Variants in ADAM7 observed in about 807,000 individuals in gnomAD.
The protein encoded by ADAM7 is disintegrin and metalloproteinase domain-containing protein 7.
In ADAM7, 97 loss-of-function variants were observed where a neutral mutation model predicts 102.9. That is an observed-to-expected ratio of 0.94 (90% confidence interval 0.80 to 1.12). ADAM7 has a LOEUF of 1.12. Ranked by LOEUF, ADAM7 falls within the 50% of genes most tolerant of loss-of-function variation. The pLI is 0.00. For synonymous variants in ADAM7, 334 were observed against 304.4 expected (o/e 1.10, Z -1.01); for missense variants, 991 against 908.7 (o/e 1.09, Z -1.16).
intron 2 of ADAM7, among the ~76,000 whole-genome samples, chr8:24,443,507 T>C (rs1218534192): frequency 6.6e-6 from 1 of 152,224 alleles, no homozygotes; most frequent in Non-Finnish European, 1.5e-5. Flanking sequence ...CTATTCTCAC[T>C]TTCTCAGACT....
At chr8:24,481,406 G>T (rs1819947212) in intron 8 of ADAM7, among the ~76,000 whole-genome samples, 1 of 152,118 alleles carries the variant, frequency 6.6e-6, no homozygotes, top group Non-Finnish European at 1.5e-5. Flanking sequence ...ATTCAGTGTT[G>T]ATAGTTTATC....
chr8:24,493,868 A>C (rs1820463019), intron 16 of ADAM7, among the ~76,000 whole-genome samples: 1 of 152,234 alleles, frequency 6.6e-6, no homozygotes, highest in African/African-American at 2.4e-5. Flanking sequence ...TGTATGGCAT[A>C]ATTCAGATGA....
At chr8:24,496,189 GC>G (rs1422102969) in intron 16 of ADAM7, among the ~76,000 whole-genome samples, 2 of 152,228 alleles carry the variant, frequency 1.3e-5, no homozygotes, top group Non-Finnish European at 2.9e-5. Context: ...GGCCTTGGCA[GC>G]CTTCATGTGG....
intron 3 of ADAM7, among the ~76,000 whole-genome samples, chr8:24,451,635 G>A (rs1323264524): frequency 6.6e-6 from 1 of 151,478 alleles, no homozygotes; most frequent in African/African-American, 2.4e-5. Context: ...AGGGTTTTTT[G>A]TGTCTCTATT....
At chr8:24,484,316 G>T (rs992467817) in intron 9 of ADAM7, among the ~76,000 whole-genome samples, 1 of 152,170 alleles carries the variant, frequency 6.6e-6, no homozygotes, top group Non-Finnish European at 1.5e-5. Context: ...CACCTATCTT[G>T]TCTTTGAGTT....
In ADAM7 at chr8:24,504,533, G is replaced by A. The variant is rs534521014; in HGVS notation, c.2209-2947G>A. Among the ~76,000 whole-genome samples, 3 of 152,202 alleles carry A rather than the reference G, an allele frequency of 2.0e-5. No individual in the cohort carries two copies. In the South Asian group the frequency reaches 6.2e-4, roughly 32 times the overall value. On this transcript the variant is annotated intron_variant, in intron 20 of 21. Coordinates refer to ENST00000175238, the MANE Select transcript of ADAM7 (RefSeq NM_003817.4). Reference sequence around the variant, plus strand: ...AACTGCCCATTAGGATTTAAGTCATGAAGAAGGGATCGAAAGGCCCAAATT... The same window carrying A: ...AACTGCCCATTAGGATTTAAGTCATAAAGAAGGGATCGAAAGGCCCAAATT...
intron 3 of ADAM7, among the ~76,000 whole-genome samples, chr8:24,447,744 T>C (rs1240658364): frequency 6.6e-6 from 1 of 152,150 alleles, no homozygotes; most frequent in Admixed American, 6.6e-5. Context: ...ATTGGCTTTC[T>C]TCAAAAGAAT....
intron 7 of ADAM7, among the ~76,000 whole-genome samples, chr8:24,474,643 C>T (rs949580205): frequency 6.6e-6 from 1 of 152,004 alleles, no homozygotes; most frequent in Non-Finnish European, 1.5e-5. Context: ...GTAAACCCAG[C>T]ACTTTGAGAA....
chr8:24,495,326 C>A (rs1820517494), intron 16 of ADAM7, among the ~76,000 whole-genome samples: 1 of 152,002 alleles, frequency 6.6e-6, no homozygotes, highest in Non-Finnish European at 1.5e-5. Context: ...TGTTGAATTA[C>A]CTGACAAGGA....
At chr8:24,490,592 A>C in intron 12 of ADAM7, 1 of 530,342 alleles carries the variant, frequency 1.9e-6, no homozygotes, top group South Asian at 2.5e-5. Context: ...CATTACCCGT[A>C]ATGTACCAAA....
chr8:24,468,530 A>G (rs547322254), intron 6 of ADAM7, among the ~76,000 whole-genome samples: 1 of 152,246 alleles, frequency 6.6e-6, no homozygotes, highest in South Asian at 2.1e-4. Flanking sequence ...TAAAAAAAAG[A>G]AAAGAAAAAA....
Position 24,441,081 on chromosome 8 carries a change from C to T in ADAM7, c.-28C>T. 1 of 1,606,656 alleles carries T rather than the reference C, an allele frequency of 6.2e-7. No homozygotes were observed. Among genetic ancestry groups the T allele is most frequent in the Non-Finnish European group, 8.5e-7 (1 of 1,173,312 alleles). On this transcript the variant is annotated 5_prime_UTR_variant, in exon 1 of 22. Transcript: ENST00000175238. ...GGTGAACTCCTTTTCTCAAGCACTT[C>T]TGCTCTCCTCTACCAGAATCACTCA... is the stretch of plus-strand genomic sequence containing the variant.
intron 2 of ADAM7, among the ~76,000 whole-genome samples, chr8:24,442,893 CT>C (rs765342203): frequency 2.0e-5 from 3 of 152,178 alleles, no homozygotes; most frequent in Non-Finnish European, 4.4e-5. Context: ...GAGCATGTTA[CT>C]TTCCCAGAGG....
chr8:24,476,356 G>A, intron 7 of ADAM7, 77 bp from the exon 8 acceptor site: 1 of 1,094,834 alleles, frequency 9.1e-7, no homozygotes, highest in Non-Finnish European at 1.3e-6. Flanking sequence ...TGTAATAGCT[G>A]ATGAATGAAG....
chr8:24,470,300 A>G (rs1183729148), intron 7 of ADAM7, among the ~76,000 whole-genome samples: 1 of 152,164 alleles, frequency 6.6e-6, no homozygotes, highest in African/African-American at 2.4e-5. Context: ...CGGAGAAAGA[A>G]ATCATACTTA....
At chr8:24,472,884 A>G (rs1819653037) in intron 7 of ADAM7, among the ~76,000 whole-genome samples, 1 of 152,086 alleles carries the variant, frequency 6.6e-6, no homozygotes, top group Admixed American at 6.6e-5. Flanking sequence ...TAAAAAATAT[A>G]GAAATATATG....
intron 3 of ADAM7, among the ~76,000 whole-genome samples, chr8:24,454,808 C>T (rs1818966575): frequency 1.3e-5 from 2 of 152,096 alleles, no homozygotes; most frequent in South Asian, 4.1e-4. Context: ...CTGCCCTCCC[C>T]CTCAGCTTGG....
chr8:24,490,776 C>T (rs1261479526), intron 12 of ADAM7, 23 bp from the exon 13 acceptor site: 1 of 1,597,658 alleles, frequency 6.3e-7, no homozygotes, highest in Non-Finnish European at 8.5e-7. Flanking sequence ...AATTTCTCAT[C>T]TCTCTTTTGT....
chr8:24,483,787 T>C (rs1406045816), intron 9 of ADAM7, among the ~76,000 whole-genome samples: 1 of 152,198 alleles, frequency 6.6e-6, no homozygotes, highest in Non-Finnish European at 1.5e-5. Context: ...TCTTTATACA[T>C]GTATTTTTTA....
Sources: allele counts gnomAD v4.1 joint callset (sites outside exome capture counted in the v4.1 genomes callset), GRCh38; gene constraint gnomAD v4.1.1; transcripts MANE v1.5; gene names NCBI Gene and HGNC (gene_info 2026-07-23, HGNC 2026-07-21).